PUDP: variants seen among roughly 807,000 people sequenced by gnomAD.
PUDP encodes the protein pseudouridine-5'-phosphatase.
PUDP carries 8 observed loss-of-function variants against 9.4 expected under a neutral mutation model. The observed-to-expected ratio is 0.85, with a 90% CI of 0.50 to 1.53. PUDP has a LOEUF of 1.53. PUDP is among the 40% of genes most tolerant of loss of function. The pLI is 0.00. For missense variants in PUDP, 188 were observed against 189.7 expected (o/e 0.99, Z 0.05); for synonymous variants, 99 against 80.7 (o/e 1.23, Z -1.22).
At chrX:6,965,454 G>A (rs190651928) in intron 3 of PUDP, among the ~76,000 whole-genome samples, 19 of 112,487 alleles carry the variant, frequency 1.7e-4, no homozygotes, top group Admixed American at 7.5e-4. Context: ...CAGAGACCTG[G>A]ATTCAAATTC....
At chrX:6,832,538 C>T (rs1270412637) in intron 3 of PUDP, among the ~76,000 whole-genome samples, 1 of 111,931 alleles carries the variant, frequency 8.9e-6, no homozygotes, top group East Asian at 2.8e-4. Flanking sequence ...ATCTCAGAGT[C>T]TTCCATTTGG....
At chrX:6,917,908 G>A (rs141121566) in intron 3 of PUDP, among the ~76,000 whole-genome samples, 1,191 of 111,901 alleles carry the variant, frequency 0.011, 8 homozygotes, top group Non-Finnish European at 0.016. Flanking sequence ...TAATTTGGAC[G>A]TCATGGGGCA....
intron 1 of PUDP, among the ~76,000 whole-genome samples, chrX:7,015,857 T>G (rs1929539935): frequency 9.0e-6 from 1 of 110,703 alleles, no homozygotes; most frequent in Admixed American, 9.6e-5. Flanking sequence ...AATTACAGAT[T>G]TGAGCCACCA....
chrX:7,113,066 A>G (rs777518534), intron 1 of PUDP: 2 of 112,839 alleles, frequency 1.8e-5, no homozygotes, highest in South Asian at 7.2e-4. Context: ...CCTTGCTTGC[A>G]CTTCCTTCTG....
At chrX:6,843,781 C>T (rs764731038) in intron 3 of PUDP, among the ~76,000 whole-genome samples, 3 of 112,310 alleles carry the variant, frequency 2.7e-5, no homozygotes, top group Non-Finnish European at 5.6e-5. Flanking sequence ...GCTAACTAAC[C>T]ATCAGTGCAG....
At chrX:7,080,972 G>C (rs966693291) in intron 2 of PUDP, among the ~76,000 whole-genome samples, 1 of 108,554 alleles carries the variant, frequency 9.2e-6, no homozygotes, top group African/African-American at 3.4e-5. Context: ...GATATAAACA[G>C]TGATTAAAGC....
chrX:7,000,317 AAAC>A (rs1406601010), intron 1 of PUDP, among the ~76,000 whole-genome samples: 1 of 111,819 alleles, frequency 8.9e-6, no homozygotes, highest in African/African-American at 3.2e-5. Flanking sequence ...TAAACTAAAA[AAAC>A]AAACGAACAA....
chrX:6,881,309 C>A (rs1212713044), intron 3 of PUDP, among the ~76,000 whole-genome samples: 2 of 112,075 alleles, frequency 1.8e-5, no homozygotes, highest in African/African-American at 6.5e-5. Flanking sequence ...CTAGGAAGAG[C>A]ATCTTATAAG....
At chrX:6,987,640 G>A (rs1382097254) in intron 1 of PUDP, among the ~76,000 whole-genome samples, 1 of 112,281 alleles carries the variant, frequency 8.9e-6, no homozygotes, top group Non-Finnish European at 1.9e-5. Flanking sequence ...CACTGCTCAT[G>A]TTTATAAATA....
chrX:6,899,779 C>T (rs1384185308), intron 3 of PUDP, among the ~76,000 whole-genome samples: 1 of 110,879 alleles, frequency 9.0e-6, no homozygotes, highest in Admixed American at 9.6e-5. Context: ...AAATCTCTAT[C>T]CCTCCATACT....
intron 3 of PUDP, among the ~76,000 whole-genome samples, chrX:6,956,434 A>G (rs5934888): frequency 0.31 from 33,942 of 109,995 alleles, 4,579 homozygotes; most frequent in Non-Finnish European, 0.4. Flanking sequence ...CTTTATCAGT[A>G]AAGTATAGAA....
At chrX:7,110,833 C>A (rs1932026534) in intron 1 of PUDP, among the ~76,000 whole-genome samples, 1 of 110,962 alleles carries the variant, frequency 9.0e-6, no homozygotes, top group Non-Finnish European at 1.9e-5. Flanking sequence ...GTCACAAGGT[C>A]AATCAGTTAG....
At chrX:6,839,485 G>A (rs887302025) in intron 3 of PUDP, among the ~76,000 whole-genome samples, 2 of 111,562 alleles carry the variant, frequency 1.8e-5, no homozygotes, top group African/African-American at 6.5e-5. Context: ...CCACTCCCCC[G>A]ACCATGATAA....
At chrX:7,116,995 G>T (rs1186113899) in intron 1 of PUDP, 2 of 1,167,032 alleles carry the variant, frequency 1.7e-6, no homozygotes, top group Admixed American at 5.2e-5. Context: ...GCCTCTTGAG[G>T]ACTCCCCCGA....
At chrX:7,111,508 G>C (rs367858856) in intron 1 of PUDP, among the ~76,000 whole-genome samples, 4 of 107,446 alleles carry the variant, frequency 3.7e-5, no homozygotes, top group African/African-American at 1.4e-4. Flanking sequence ...GTGGGGTGGG[G>C]CGGGGGGAGA....
intron 3 of PUDP, among the ~76,000 whole-genome samples, chrX:6,727,803 A>G (rs1191757832): frequency 1.8e-5 from 2 of 111,595 alleles, no homozygotes; most frequent in African/African-American, 6.5e-5. Context: ...CACAGGTGGC[A>G]CAGGATGACA....
At chrX:6,987,875 T>C (rs1438715400) in intron 1 of PUDP, among the ~76,000 whole-genome samples, 2 of 111,020 alleles carry the variant, frequency 1.8e-5, no homozygotes, top group East Asian at 5.6e-4. Context: ...CTGTTGACCA[T>C]CTGTTATGTC....
intron 3 of PUDP, among the ~76,000 whole-genome samples, chrX:6,816,974 C>T (rs1463177769): frequency 2.2e-5 from 2 of 91,445 alleles, no homozygotes; most frequent in African/African-American, 9.0e-5. Context: ...TATATATACA[C>T]ATATAGTATA....
At chrX:7,071,906 A>G (rs757438255) in intron 3 of PUDP, among the ~76,000 whole-genome samples, 1 of 109,925 alleles carries the variant, frequency 9.1e-6, no homozygotes, top group South Asian at 4.0e-4. Flanking sequence ...CCTCCTAAGT[A>G]GCTGAGACTA....
Sources: allele counts gnomAD v4.1 joint callset (sites outside exome capture counted in the v4.1 genomes callset), GRCh38; gene constraint gnomAD v4.1.1; transcripts MANE v1.5; gene names NCBI Gene and HGNC (gene_info 2026-07-23, HGNC 2026-07-21).